Variants in ANKRD30B observed in about 807,000 individuals in gnomAD.
ANKRD30B encodes ankyrin repeat domain 30B, also known as ankyrin repeat domain-containing protein 30B.
A neutral mutation model predicts 202.2 loss-of-function variants in ANKRD30B; 144 were observed. The ratio of observed to expected loss-of-function variants is 0.71; its 90% confidence interval spans 0.62 to 0.82. ANKRD30B has a LOEUF of 0.82. ANKRD30B is among the 40% of genes least tolerant of loss of function. The pLI is 0.00. For synonymous variants in ANKRD30B, 508 were observed against 561.3 expected, an observed-to-expected ratio of 0.91 and a Z score of 1.34; for missense variants, 1,487 against 1,669.1, an observed-to-expected ratio of 0.89 and a Z score of 1.90.
At chr18:14,898,261 G>A in the ANKRD30B span, among the ~76,000 whole-genome samples, 6 of 152,022 alleles carry the variant, frequency 3.9e-5, no homozygotes, top group Non-Finnish European at 5.9e-5. Flanking sequence ...GGTGTGAGAC[G>A]ATACTCTAAA....
the ANKRD30B span, among the ~76,000 whole-genome samples, chr18:14,918,364 T>C: frequency 2.6e-5 from 4 of 152,192 alleles, no homozygotes; most frequent in African/African-American, 7.2e-5. Context: ...TTTTAAAATC[T>C]TTACTCTGCC....
At chr18:14,890,066 T>A in the ANKRD30B span, 1 of 1,278,946 alleles carries the variant, frequency 7.8e-7, no homozygotes, top group Non-Finnish European at 1.1e-6. Flanking sequence ...CAATCCCAAC[T>A]GCCACTGTCC....
chr18:14,939,585 C>T, the ANKRD30B span, among the ~76,000 whole-genome samples: 1 of 152,196 alleles, frequency 6.6e-6, no homozygotes, highest in Non-Finnish European at 1.5e-5. Flanking sequence ...GGTCTTGAGT[C>T]AACTCCTGAA....
At chr18:14,863,656 T>C in the ANKRD30B span, among the ~76,000 whole-genome samples, 2 of 151,976 alleles carry the variant, frequency 1.3e-5, no homozygotes, top group Non-Finnish European at 2.9e-5. Flanking sequence ...ACTAGATGAA[T>C]TCACAGCTGA....
intron 11 of ANKRD30B, among the ~76,000 whole-genome samples, chr18:14,781,103 A>G (rs1967706804): frequency 6.6e-6 from 1 of 152,168 alleles, no homozygotes; most frequent in African/African-American, 2.4e-5. Context: ...CATAGACCAA[A>G]AAAAAGACTT....
At chr18:14,810,969 GC>G (rs1008041172) in intron 28 of ANKRD30B, among the ~76,000 whole-genome samples, 1 of 150,796 alleles carries the variant, frequency 6.6e-6, no homozygotes, top group Non-Finnish European at 1.5e-5. Context: ...ACAAACAATA[GC>G]CGGTTGTGGT....
the ANKRD30B span, among the ~76,000 whole-genome samples, chr18:14,930,801 AG>A: frequency 6.6e-6 from 1 of 152,170 alleles, no homozygotes; most frequent in Non-Finnish European, 1.5e-5. Flanking sequence ...TGGTCCTCAC[AG>A]ATCTCCAGGT....
At chr18:14,849,586 T>C (rs958396229) in intron 40 of ANKRD30B, among the ~76,000 whole-genome samples, 1 of 151,750 alleles carries the variant, frequency 6.6e-6, no homozygotes, top group Non-Finnish European at 1.5e-5. Flanking sequence ...TTTTAGTCTT[T>C]AATTAAATAT....
chr18:14,916,910 C>T, the ANKRD30B span, among the ~76,000 whole-genome samples: 19 of 152,300 alleles, frequency 1.2e-4, no homozygotes, highest in African/African-American at 4.6e-4. Context: ...AGTGACTTGG[C>T]TAAAGTCCCC....
At chr18:14,892,407 C>T in the ANKRD30B span, among the ~76,000 whole-genome samples, 1 of 152,196 alleles carries the variant, frequency 6.6e-6, no homozygotes, top group Non-Finnish European at 1.5e-5. Flanking sequence ...CCTCTATCCC[C>T]TGCCTGTCTA....
At chr18:14,866,352 AGGGTG>A in the ANKRD30B span, among the ~76,000 whole-genome samples, 3 of 151,936 alleles carry the variant, frequency 2.0e-5, no homozygotes, top group South Asian at 4.2e-4. Context: ...GAGTGGTAGG[AGGGTG>A]GCCTGAGTGG....
chr18:14,861,377 C>T, the ANKRD30B span, among the ~76,000 whole-genome samples: 2 of 151,772 alleles, frequency 1.3e-5, no homozygotes, highest in African/African-American at 2.4e-5. Context: ...TTGAGAGACC[C>T]ATCTCATGTG....
chr18:14,892,919 T>C, the ANKRD30B span, among the ~76,000 whole-genome samples: 41 of 151,826 alleles, frequency 2.7e-4, no homozygotes, highest in Admixed American at 2.7e-3. Flanking sequence ...TGTCTCAAAA[T>C]AATAGATAAA....
chr18:14,769,889 T>TA (rs1283943687), intron 8 of ANKRD30B, among the ~76,000 whole-genome samples: 3 of 152,224 alleles, frequency 2.0e-5, no homozygotes, highest in Admixed American at 1.3e-4. Flanking sequence ...GAGCAGATCT[T>TA]ACTTAGCTGT....
At chr18:14,928,835 A>G in the ANKRD30B span, among the ~76,000 whole-genome samples, 6 of 152,172 alleles carry the variant, frequency 3.9e-5, no homozygotes, top group Non-Finnish European at 7.3e-5. Context: ...TATTCTCAAA[A>G]TCTGCCGAGT....
chr18:14,756,462 G>T (rs1184139605), intron 4 of ANKRD30B, among the ~76,000 whole-genome samples: 1 of 152,150 alleles, frequency 6.6e-6, no homozygotes, highest in Non-Finnish European at 1.5e-5. Flanking sequence ...TGGTGTTTTA[G>T]ATGTGAAGTC....
Position 14,754,985 on chromosome 18 carries a change from C to T in ANKRD30B, c.597C>T (p.Asn199=), listed in dbSNP as rs190879543. The T allele has an allele frequency of 1.8e-4, 284 of 1,537,040 alleles. 2 individuals carry two copies. In the Admixed American group the frequency reaches 3.9e-3, roughly 21 times the overall value. ...TACTAACAAAAAATGCAAATGCAAA[C>T]GCATTTAATGAGTCTAAATGGTATG... is the stretch of plus-strand genomic sequence containing the variant. ...EFLLTKNANA[N]AFNESKCTAL... The change falls in exon 4 of 44, where the codon AAC becomes AAT. Residue 199 remains asparagine, a synonymous_variant. Transcript: ENST00000690538.
the ANKRD30B span, among the ~76,000 whole-genome samples, chr18:14,865,351 C>T: frequency 1.3e-5 from 2 of 151,242 alleles, no homozygotes; most frequent in African/African-American, 4.9e-5. Flanking sequence ...CCCTCCCTCT[C>T]TGCACCCTCT....
At chr18:14,757,353 T>C (rs2143677008) in intron 4 of ANKRD30B, among the ~76,000 whole-genome samples, 1 of 152,318 alleles carries the variant, frequency 6.6e-6, no homozygotes. Flanking sequence ...ATTATAAATA[T>C]CAACAGCATT....
Sources: allele counts gnomAD v4.1 joint callset (sites outside exome capture counted in the v4.1 genomes callset), GRCh38; gene constraint gnomAD v4.1.1; transcripts MANE v1.5; gene names NCBI Gene and HGNC (gene_info 2026-07-23, HGNC 2026-07-21).